MGAM2: variants seen among roughly 807,000 people sequenced by gnomAD.
MGAM2 encodes the protein probable maltase-glucoamylase 2.
Under a neutral mutation model 96.1 loss-of-function variants are expected in MGAM2, and 98 were observed. The observed-to-expected ratio is 1.02, with a 90% CI of 0.87 to 1.21. The LOEUF is 1.21. Among genes scored for constraint, MGAM2 ranks in the 50% most tolerant of loss-of-function variants. The pLI is 0.00. For synonymous variants in MGAM2, 749 were observed against 414.8 expected, an observed-to-expected ratio of 1.81 and a Z score of -9.79; for missense variants, 2,055 against 1,182.4, an observed-to-expected ratio of 1.74 and a Z score of -10.82.
At chr7:142,214,522 C>A (rs1476520961) in intron 46 of MGAM2, among the ~76,000 whole-genome samples, 4 of 151,828 alleles carry the variant, frequency 2.6e-5, no homozygotes, top group Admixed American at 1.3e-4. Flanking sequence ...TAATAGACAG[C>A]CAAATCATGA....
intron 17 of MGAM2, 75 bp from the exon 18 acceptor site, chr7:142,157,862 G>T: frequency 1.5e-6 from 1 of 667,492 alleles, no homozygotes; most frequent in Non-Finnish European, 2.7e-6. Flanking sequence ...AGTTTCATCT[G>T]GGAAACTTAT....
intron 46 of MGAM2, among the ~76,000 whole-genome samples, chr7:142,211,646 A>G (rs923789649): frequency 3.3e-5 from 5 of 152,168 alleles, no homozygotes; most frequent in East Asian, 1.9e-4. Context: ...TAGAGAAAAA[A>G]GAATGAAAAG....
At chr7:142,150,866 C>A (rs1179539872) in intron 15 of MGAM2, among the ~76,000 whole-genome samples, 1 of 152,092 alleles carries the variant, frequency 6.6e-6, no homozygotes, top group African/African-American at 2.4e-5. Flanking sequence ...TTCCCAAATC[C>A]AAGTGCTATT....
At chr7:142,170,266 C>G (rs1386938930) in intron 27 of MGAM2, 37 bp downstream of exon 27, 5 of 667,420 alleles carry the variant, frequency 7.5e-6, no homozygotes, top group Non-Finnish European at 1.4e-5. Flanking sequence ...TAGAGTAGTT[C>G]TAGATTTAAT....
Position 142,220,068 on chromosome 7 carries a change from G to A in MGAM2, c.5557G>A (p.Gly1853Ser), listed in dbSNP as rs866547623. The change falls in exon 48 of 48, where the codon GGC becomes AGC. Residue 1853 changes from glycine to serine, a missense_variant. By Grantham distance (56) the Gly-to-Ser change is moderately conservative. Coordinates refer to ENST00000477922, the MANE Select transcript of MGAM2 (RefSeq NM_001293626.2). The stretch of plus-strand genomic sequence containing the variant: ...TTCTGCCAGTGCAAATACTACCACT[G>A]GCACTACTGATACTGTTCCTATCAC... ...TSSASANTTT[G>S]TTDTVPITTT... is the part of the protein sequence containing the mutation. 2.8e-6 allele frequency: 2 copies of A among 702,852 alleles called. No individual in the cohort carries two copies. The highest frequency in any genetic ancestry group is 5.2e-6 in the Non-Finnish European group (2 of 384,918). 43.5% of individuals were successfully genotyped at this position (702,852 alleles called of 1,614,324 possible). A position where few individuals can be genotyped will look rare whatever the true frequency, so the allele number is the denominator to read the frequency against.
At chr7:142,213,924 C>A (rs1797670203) in intron 46 of MGAM2, among the ~76,000 whole-genome samples, 1 of 152,198 alleles carries the variant, frequency 6.6e-6, no homozygotes. Context: ...CCATAAAATA[C>A]TGGCAAACCG....
rs370953032 is a variant in MGAM2, at chr7:142,202,119, T to C, written c.5137+2151T>C. Among the ~76,000 whole-genome samples, 3 of 152,146 alleles carry C rather than the reference T, an allele frequency of 2.0e-5. No individual in the cohort carries two copies. In the East Asian group the frequency reaches 5.8e-4, roughly 29 times the overall value. On this transcript the variant is annotated intron_variant, in intron 45 of 47. Coordinates refer to ENST00000477922, the MANE Select transcript of MGAM2 (RefSeq NM_001293626.2). ...TTCTATTCATATAAAATCTAGAAAA[T>C]ACAAATCCAGTCTATAGTCACAGAA...
At chr7:142,146,218 TTC>T (rs1183376945) in intron 14 of MGAM2, among the ~76,000 whole-genome samples, 1 of 151,546 alleles carries the variant, frequency 6.6e-6, no homozygotes, top group Admixed American at 6.6e-5. Context: ...ATTTTTTTTT[TTC>T]CCTATGGAAA....
intron 46 of MGAM2, among the ~76,000 whole-genome samples, chr7:142,215,675 T>C (rs74612763): frequency 6.6e-6 from 1 of 151,072 alleles, no homozygotes; most frequent in Non-Finnish European, 1.5e-5. Flanking sequence ...GGAGAATCGC[T>C]TGAACCTGGG....
intron 45 of MGAM2, among the ~76,000 whole-genome samples, chr7:142,207,475 G>A (rs1462163727): frequency 6.6e-6 from 1 of 151,776 alleles, no homozygotes; most frequent in Non-Finnish European, 1.5e-5. Flanking sequence ...GCCCAGGCTG[G>A]AGTGCAGTGG....
chr7:142,201,464 A>G (rs1228253669), intron 45 of MGAM2, among the ~76,000 whole-genome samples: 2 of 152,340 alleles, frequency 1.3e-5, no homozygotes, highest in Middle Eastern at 3.4e-3. Context: ...CTTTTAATCA[A>G]CTTTAAAAAA....
rs1373401273 is a variant in MGAM2, at chr7:142,173,356, T to C, written c.3687+2T>C. 6 of 702,786 alleles carry C rather than the reference T, an allele frequency of 8.5e-6. No individual in the cohort carries two copies. Among genetic ancestry groups the C allele is most frequent in the South Asian group, 1.5e-5 (1 of 67,572 alleles). 43.5% of individuals were successfully genotyped at this position (702,786 alleles called of 1,614,324 possible). On this transcript the variant is annotated splice_donor_variant, in intron 31 of 47. Coordinates refer to ENST00000477922, the MANE Select transcript of MGAM2 (RefSeq NM_001293626.2). LOFTEE classifies it high-confidence loss of function. ...ATGGTGGCAGCCCAGATTCCCTATG[T>C]ATGAAACCCTCACTCAGCCCAAGGT...
At chr7:142,141,578 C>T (rs1795231791) in intron 12 of MGAM2, among the ~76,000 whole-genome samples, 1 of 152,152 alleles carries the variant, frequency 6.6e-6, no homozygotes, top group African/African-American at 2.4e-5. Context: ...TGACTCACTG[C>T]AACCTCTGAC....
chr7:142,186,487 G>A (rs1051398309), intron 35 of MGAM2, among the ~76,000 whole-genome samples: 1 of 152,210 alleles, frequency 6.6e-6, no homozygotes, highest in African/African-American at 2.4e-5. Flanking sequence ...CTGGGAGTGG[G>A]TGAGGCATGG....
At chr7:142,124,803 T>C (rs182054184) in intron 3 of MGAM2, among the ~76,000 whole-genome samples, 49 of 152,282 alleles carry the variant, frequency 3.2e-4, no homozygotes, top group Non-Finnish European at 3.4e-4. Context: ...TTTTTCCTAT[T>C]TGATTCTATT....
chr7:142,114,602 G>C (rs374808789), intron 1 of MGAM2, among the ~76,000 whole-genome samples: 74 of 152,298 alleles, frequency 4.9e-4, no homozygotes, highest in African/African-American at 1.8e-3. Context: ...TATTCAGAGA[G>C]TGAATTTGAT....
chr7:142,156,481 G>A (rs1364378874), intron 17 of MGAM2, among the ~76,000 whole-genome samples: 1 of 152,168 alleles, frequency 6.6e-6, no homozygotes, highest in Non-Finnish European at 1.5e-5. Context: ...TCAGTTTTAA[G>A]ATTTATATTT....
chr7:142,155,139 C>T (rs1585169568), intron 17 of MGAM2, among the ~76,000 whole-genome samples: 1 of 152,106 alleles, frequency 6.6e-6, no homozygotes, highest in Non-Finnish European at 1.5e-5. Flanking sequence ...TAGGATAGGA[C>T]AATTGGAATT....
chr7:142,161,241 TG>T (rs1199867551), intron 22 of MGAM2, 28 bp downstream of exon 22: 1 of 700,940 alleles, frequency 1.4e-6, no homozygotes, highest in Non-Finnish European at 2.6e-6. Flanking sequence ...ACCATCCCTG[TG>T]GATCACTGTG....
Sources: allele counts gnomAD v4.1 joint callset (sites outside exome capture counted in the v4.1 genomes callset), GRCh38; gene constraint gnomAD v4.1.1; transcripts MANE v1.5; gene names NCBI Gene and HGNC (gene_info 2026-07-23, HGNC 2026-07-21).